CADM2: variants seen among roughly 807,000 people sequenced by gnomAD.
CADM2 encodes the protein immunoglobulin superfamily member 4D.
A neutral mutation model predicts 49.8 loss-of-function variants in CADM2; 12 were observed. That is an observed-to-expected ratio of 0.24 (90% CI 0.15 to 0.39). The LOEUF (loss-of-function observed/expected upper bound fraction) is 0.39, where lower values mean the gene tolerates loss of function less well. Ranked by LOEUF, CADM2 falls within the 10% of genes least tolerant of loss-of-function variation. CADM2 has a pLI of 1.00. For missense variants in CADM2, 378 were observed against 492.3 expected, an observed-to-expected ratio of 0.77 and a Z score of 2.20; for synonymous variants, 214 against 175.4, an observed-to-expected ratio of 1.22 and a Z score of -1.74.
intron 1 of CADM2, among the ~76,000 whole-genome samples, chr3:85,355,064 G>A (rs1576406455): frequency 6.6e-6 from 1 of 151,982 alleles, no homozygotes; most frequent in Non-Finnish European, 1.5e-5. Flanking sequence ...ACTTCAAAAG[G>A]TAAGGTAGAG....
chr3:86,001,456 GT>G (rs11293470), intron 8 of CADM2, among the ~76,000 whole-genome samples: 75,850 of 151,762 alleles, frequency 0.5, 19,828 homozygotes, highest in East Asian at 0.63. Context: ...TATTTTTACA[GT>G]TCCCAGTAGT....
chr3:85,877,684 G>GTTTTTTTTTTTTTTTTTT (rs368101272), intron 3 of CADM2, among the ~76,000 whole-genome samples: 10 of 112,026 alleles, frequency 8.9e-5, no homozygotes, highest in African/African-American at 3.0e-4. Flanking sequence ...TTTTTCTTCT[G>GTTTTTTTTTTTTTTTTTT]TTTTTTTTTT....
chr3:85,221,929 G>A (rs1208863699), intron 1 of CADM2, among the ~76,000 whole-genome samples: 1 of 151,980 alleles, frequency 6.6e-6, no homozygotes, highest in East Asian at 1.9e-4. Flanking sequence ...GCAAAATATA[G>A]CATCCTAGTA....
intron 8 of CADM2, among the ~76,000 whole-genome samples, chr3:86,002,271 T>A (rs1730278535): frequency 6.6e-6 from 1 of 152,174 alleles, no homozygotes; most frequent in African/African-American, 2.4e-5. Flanking sequence ...AGGAATCCTT[T>A]GAATCCACGG....
intron 1 of CADM2, among the ~76,000 whole-genome samples, chr3:85,660,248 T>C (rs1219566588): frequency 1.3e-5 from 2 of 152,132 alleles, no homozygotes. Context: ...TCTAGTAGTT[T>C]CTATTCTCCC....
At chr3:85,138,073 T>C (rs1240699444) in intron 1 of CADM2, among the ~76,000 whole-genome samples, 2 of 152,190 alleles carry the variant, frequency 1.3e-5, no homozygotes, top group Non-Finnish European at 2.9e-5. Context: ...ATTATTTTTA[T>C]AGTTCATAGG....
chr3:85,757,328 G>A (rs979009642), intron 2 of CADM2, among the ~76,000 whole-genome samples: 4 of 152,092 alleles, frequency 2.6e-5, no homozygotes, highest in African/African-American at 9.6e-5. Flanking sequence ...CCTACATTAC[G>A]AAAGACAAAT....
intron 1 of CADM2, among the ~76,000 whole-genome samples, chr3:85,003,976 AG>A (rs1392540317): frequency 6.6e-6 from 1 of 152,160 alleles, no homozygotes; most frequent in Non-Finnish European, 1.5e-5. Flanking sequence ...AGAAGTCTCT[AG>A]TAACCCTATT....
intron 1 of CADM2, among the ~76,000 whole-genome samples, chr3:85,328,634 G>A (rs2044821474): frequency 6.6e-6 from 1 of 152,106 alleles, no homozygotes; most frequent in Admixed American, 6.5e-5. Flanking sequence ...GACTCTAAAA[G>A]AGAAAGGTTT....
intron 1 of CADM2, among the ~76,000 whole-genome samples, chr3:85,243,790 C>T (rs60958536): frequency 0.066 from 10,064 of 152,004 alleles, 1,096 homozygotes; most frequent in African/African-American, 0.23. Context: ...CCACTGTCGT[C>T]TTTATGGACT....
Position 85,912,582 on chromosome 3 carries a change from C to T in CADM2, c.700+39C>T, listed in dbSNP as rs201403660. 2,319 of 1,567,474 alleles carry T rather than the reference C, an allele frequency of 1.5e-3. 5 individuals are homozygous for T. Among genetic ancestry groups the T allele is most frequent in the Admixed American group, 1.8e-3 (105 of 56,778 alleles). On this transcript the variant is annotated intron_variant, in intron 6 of 9. Coordinates refer to ENST00000383699, the MANE Select transcript of CADM2 (RefSeq NM_001167675.2). ...ACTTCCCCCTCCTTTATCTCAGCAG[C>T]AAATCTCTTCATCTGCATCTAAAAT...
chr3:85,447,695 A>G (rs533811068), intron 1 of CADM2, among the ~76,000 whole-genome samples: 1 of 152,224 alleles, frequency 6.6e-6, no homozygotes, highest in Non-Finnish European at 1.5e-5. Context: ...GGCAAATGAC[A>G]TTCAGCCATA....
chr3:85,728,389 C>A (rs780188160), intron 2 of CADM2, among the ~76,000 whole-genome samples: 2 of 152,060 alleles, frequency 1.3e-5, no homozygotes, highest in African/African-American at 4.8e-5. Flanking sequence ...AGCAATGACA[C>A]GTTCAAAAAT....
intron 1 of CADM2, among the ~76,000 whole-genome samples, chr3:85,207,734 T>C (rs965625315): frequency 3.3e-5 from 5 of 152,170 alleles, no homozygotes; most frequent in Non-Finnish European, 7.4e-5. Flanking sequence ...CTCTTTAAAA[T>C]AAGAAAACCA....
rs138602230 is a variant in CADM2, at chr3:85,284,505, A to T, written c.61+324837A>T. 2.0e-5 allele frequency among the ~76,000 whole-genome samples: 3 copies of T among 152,188 alleles called. No individual in the cohort carries two copies. In the East Asian group the frequency reaches 5.8e-4, roughly 30 times the overall value. On this transcript the variant is annotated intron_variant, in intron 1 of 9. Transcript: ENST00000383699. ...GATGTGGAGGAATTTTCAATTTCAA[A>T]TAGTATGGTCAAGAAAAACTTCACT...
At chr3:85,741,056 T>C (rs1020638942) in intron 2 of CADM2, among the ~76,000 whole-genome samples, 13 of 152,180 alleles carry the variant, frequency 8.5e-5, no homozygotes, top group African/African-American at 2.9e-4. Context: ...TTTACTGAGA[T>C]ACATAGCAGT....
At chr3:85,172,652 A>C (rs1385292807) in intron 1 of CADM2, among the ~76,000 whole-genome samples, 1 of 151,806 alleles carries the variant, frequency 6.6e-6, no homozygotes. Flanking sequence ...CAGGTTAAGA[A>C]GTTTGAATTG....
At chr3:85,634,915 A>C (rs889477938) in intron 1 of CADM2, among the ~76,000 whole-genome samples, 1 of 152,086 alleles carries the variant, frequency 6.6e-6, no homozygotes. Context: ...ATATGTGCAT[A>C]CATGTATTTA....
At chr3:85,625,849 T>G (rs888059790) in intron 1 of CADM2, among the ~76,000 whole-genome samples, 2 of 152,026 alleles carry the variant, frequency 1.3e-5, no homozygotes, top group African/African-American at 4.8e-5. Flanking sequence ...TAAAACTATT[T>G]GTATGTATTG....
Sources: allele counts gnomAD v4.1 joint callset (sites outside exome capture counted in the v4.1 genomes callset), GRCh38; gene constraint gnomAD v4.1.1; transcripts MANE v1.5; gene names NCBI Gene and HGNC (gene_info 2026-07-23, HGNC 2026-07-21).